RHOBTB1: variants seen among roughly 807,000 people sequenced by gnomAD.
RHOBTB1 encodes the protein rho-related BTB domain-containing protein 1.
RHOBTB1 carries 40 observed loss-of-function variants against 71.6 expected under a neutral mutation model. That is an observed-to-expected ratio of 0.56 (90% CI 0.43 to 0.73). RHOBTB1 has a LOEUF of 0.73. Ranked by LOEUF, RHOBTB1 falls within the 30% of genes least tolerant of loss-of-function variation. RHOBTB1 has a pLI of 0.00. For missense variants in RHOBTB1, 797 were observed against 894.0 expected, an observed-to-expected ratio of 0.89 and a Z score of 1.38; for synonymous variants, 319 against 334.9, an observed-to-expected ratio of 0.95 and a Z score of 0.52.
chr10:60,964,685 G>A (rs2085898930), intron 2 of RHOBTB1, among the ~76,000 whole-genome samples: 1 of 151,986 alleles, frequency 6.6e-6, no homozygotes, highest in Admixed American at 6.6e-5. Flanking sequence ...CATTTTCAAT[G>A]CCCCAGAAAC....
intron 4 of RHOBTB1, among the ~76,000 whole-genome samples, chr10:60,910,113 T>A (rs1470149319): frequency 6.6e-6 from 1 of 152,190 alleles, no homozygotes; most frequent in African/African-American, 2.4e-5. Flanking sequence ...CGTTCTACAC[T>A]GAAAATGAAA....
chr10:60,997,891 C>T (rs2087112322), intron 1 of RHOBTB1, among the ~76,000 whole-genome samples: 1 of 152,158 alleles, frequency 6.6e-6, no homozygotes, highest in African/African-American at 2.4e-5. Context: ...GGGTGGTCCT[C>T]ACTATTTTTG....
intron 2 of RHOBTB1, among the ~76,000 whole-genome samples, chr10:60,969,786 T>C (rs549297305): frequency 7.2e-5 from 11 of 152,258 alleles, no homozygotes; most frequent in Non-Finnish European, 1.3e-4. Context: ...TATTACATCA[T>C]AATATGACTT....
At chr10:60,898,092 C>T (rs556241442) in intron 4 of RHOBTB1, among the ~76,000 whole-genome samples, 2 of 152,192 alleles carry the variant, frequency 1.3e-5, no homozygotes, top group African/African-American at 4.8e-5. Flanking sequence ...GGTAGGATCC[C>T]ACCTCTTTAT....
At chr10:60,922,651 G>C (rs993272340) in intron 2 of RHOBTB1, among the ~76,000 whole-genome samples, 1 of 152,232 alleles carries the variant, frequency 6.6e-6, no homozygotes, top group African/African-American at 2.4e-5. Context: ...AAGGTGAAGA[G>C]AGAAGGGTGG....
intron 2 of RHOBTB1, among the ~76,000 whole-genome samples, chr10:60,911,906 C>T (rs918553751): frequency 2.0e-5 from 3 of 152,182 alleles, no homozygotes; most frequent in African/African-American, 7.2e-5. Flanking sequence ...CTCACGTTGG[C>T]CTGCTAGCAA....
chr10:60,978,585 G>T (rs1185786466), intron 2 of RHOBTB1, among the ~76,000 whole-genome samples: 1 of 152,164 alleles, frequency 6.6e-6, no homozygotes, highest in Non-Finnish European at 1.5e-5. Context: ...TAGCATGGCT[G>T]TGAGTCAGCA....
intron 4 of RHOBTB1, 155 bp downstream of exon 4, chr10:60,910,732 C>T: frequency 1.8e-6 from 1 of 566,944 alleles, no homozygotes. Flanking sequence ...GGAAACAATA[C>T]CATTTTTTTT....
At chr10:60,927,716 A>C (rs75193454) in intron 2 of RHOBTB1, among the ~76,000 whole-genome samples, 1 of 152,190 alleles carries the variant, frequency 6.6e-6, no homozygotes, top group African/African-American at 2.4e-5. Context: ...AATTAAATCA[A>C]AATAGATTAA....
intron 7 of RHOBTB1, among the ~76,000 whole-genome samples, chr10:60,880,071 C>T (rs1242125175): frequency 6.6e-6 from 1 of 152,016 alleles, no homozygotes; most frequent in Non-Finnish European, 1.5e-5. Context: ...CAGATCTATG[C>T]AAATACGATG....
chr10:60,986,835 A>G (rs957444939), intron 1 of RHOBTB1, among the ~76,000 whole-genome samples: 1 of 152,174 alleles, frequency 6.6e-6, no homozygotes, highest in African/African-American at 2.4e-5. Flanking sequence ...TACAAAACCA[A>G]TAACTCCCAA....
intron 1 of RHOBTB1, among the ~76,000 whole-genome samples, chr10:60,994,967 C>T (rs766902370): frequency 4.0e-5 from 6 of 151,506 alleles, no homozygotes; most frequent in South Asian, 2.1e-4. Flanking sequence ...ATGAAAGATG[C>T]GGCTAAAAAT....
chr10:60,880,797 C>G (rs1169054368), intron 7 of RHOBTB1, among the ~76,000 whole-genome samples: 1 of 152,124 alleles, frequency 6.6e-6, no homozygotes, highest in Non-Finnish European at 1.5e-5. Context: ...AATCTAGCAC[C>G]AGTTACACTG....
intron 7 of RHOBTB1, among the ~76,000 whole-genome samples, chr10:60,881,407 A>C (rs1219000933): frequency 6.6e-6 from 1 of 152,240 alleles, no homozygotes; most frequent in Non-Finnish European, 1.5e-5. Context: ...CAAAGCGCTA[A>C]GTGCTCTAAG....
At chr10:60,980,802 A>G (rs1014758108) in intron 2 of RHOBTB1, among the ~76,000 whole-genome samples, 27 of 152,294 alleles carry the variant, frequency 1.8e-4, no homozygotes, top group Admixed American at 1.5e-3. Context: ...GCTCTTTCCC[A>G]TCTCTCCTGA....
At chr10:60,861,104 C>G in the RHOBTB1 span, among the ~76,000 whole-genome samples, 4 of 152,250 alleles carry the variant, frequency 2.6e-5, no homozygotes, top group Middle Eastern at 3.4e-3. Flanking sequence ...TGGCAGCACA[C>G]TGGTGGAAGA....
At chr10:60,989,393 G>A (rs1404592315) in intron 1 of RHOBTB1, among the ~76,000 whole-genome samples, 1 of 152,154 alleles carries the variant, frequency 6.6e-6, no homozygotes, top group Non-Finnish European at 1.5e-5. Context: ...TTTTCCATGA[G>A]GGACGGAAAA....
intron 4 of RHOBTB1, among the ~76,000 whole-genome samples, chr10:60,903,685 C>A (rs1041047158): frequency 1.1e-5 from 1 of 88,020 alleles, no homozygotes; most frequent in Non-Finnish European, 2.3e-5. Context: ...ACTATGGGCC[C>A]CTGGGTCAGA....
At chr10:60,928,822 T>A (rs567985268) in intron 2 of RHOBTB1, among the ~76,000 whole-genome samples, 32 of 152,280 alleles carry the variant, frequency 2.1e-4, no homozygotes, top group African/African-American at 7.5e-4. Flanking sequence ...TGCTTGAGGT[T>A]ATGGAAACCC....
Sources: allele counts gnomAD v4.1 joint callset (sites outside exome capture counted in the v4.1 genomes callset), GRCh38; gene constraint gnomAD v4.1.1; transcripts MANE v1.5; gene names NCBI Gene and HGNC (gene_info 2026-07-23, HGNC 2026-07-21).